JMJD1C: variants seen among roughly 807,000 people sequenced by gnomAD.
JMJD1C encodes the protein jumonji domain-containing protein 1C.
JMJD1C carries 31 observed loss-of-function variants against 245.3 expected under a neutral mutation model. That is an observed-to-expected ratio of 0.13 (90% CI 0.09 to 0.17). The LOEUF is 0.17. Ranked by LOEUF, JMJD1C falls within the 10% of genes least tolerant of loss-of-function variation. JMJD1C has a pLI of 1.00. For synonymous variants in JMJD1C, 1,057 were observed against 1,017.4 expected (o/e 1.04, Z -0.74); for missense variants, 2,691 against 3,000.2 (o/e 0.90, Z 2.41).
chr10:63,398,015 T>G (rs1179042726), intron 1 of JMJD1C, among the ~76,000 whole-genome samples: 1 of 152,232 alleles, frequency 6.6e-6, no homozygotes, highest in Non-Finnish European at 1.5e-5. Flanking sequence ...ACAGAGACAG[T>G]AACAGCAGAT....
chr10:63,419,328 A>G (rs1949981436), intron 1 of JMJD1C, among the ~76,000 whole-genome samples: 1 of 152,090 alleles, frequency 6.6e-6, no homozygotes, highest in Non-Finnish European at 1.5e-5. Flanking sequence ...CGGAGGTTGC[A>G]GTAAGCCAAG....
intron 2 of JMJD1C, among the ~76,000 whole-genome samples, chr10:63,297,342 C>A (rs1859570635): frequency 6.6e-6 from 1 of 152,166 alleles, no homozygotes; most frequent in African/African-American, 2.4e-5. Context: ...CCTATAAAAA[C>A]CCCGGGCTCA....
intron 2 of JMJD1C, among the ~76,000 whole-genome samples, chr10:63,293,708 G>A (rs549285540): frequency 6.6e-6 from 1 of 152,124 alleles, no homozygotes; most frequent in African/African-American, 2.4e-5. Flanking sequence ...AGAGGCATTC[G>A]TATTAATGAT....
intron 1 of JMJD1C, among the ~76,000 whole-genome samples, chr10:63,396,631 T>C (rs1482883174): frequency 6.6e-6 from 1 of 152,128 alleles, no homozygotes; most frequent in East Asian, 1.9e-4. Context: ...GTGGTAAATC[T>C]TGGGTCCCAG....
chr10:63,477,229 G>A (rs933868270), intron 1 of JMJD1C, among the ~76,000 whole-genome samples: 2 of 151,214 alleles, frequency 1.3e-5, no homozygotes, highest in South Asian at 2.1e-4. Flanking sequence ...TTTTGACACC[G>A]ACAAGTTGAT....
chr10:63,390,230 C>G (rs932068847), intron 1 of JMJD1C, among the ~76,000 whole-genome samples: 4 of 152,030 alleles, frequency 2.6e-5, no homozygotes, highest in African/African-American at 9.7e-5. Context: ...TACAAAAGAT[C>G]ATCAGAGACC....
intron 13 of JMJD1C, among the ~76,000 whole-genome samples, chr10:63,196,068 A>C (rs1228194312): frequency 1.3e-5 from 2 of 152,220 alleles, no homozygotes; most frequent in Admixed American, 6.5e-5. Context: ...GTTTGAGACC[A>C]GCCTGGCCAA....
chr10:63,346,457 A>C (rs895017330), intron 2 of JMJD1C, among the ~76,000 whole-genome samples: 2 of 152,244 alleles, frequency 1.3e-5, no homozygotes, highest in Non-Finnish European at 2.9e-5. Flanking sequence ...ATTCTCACTT[A>C]GCAATATGCT....
chr10:63,188,647 CATT>C (rs1184658149), intron 18 of JMJD1C, among the ~76,000 whole-genome samples: 4 of 152,126 alleles, frequency 2.6e-5, no homozygotes, highest in African/African-American at 7.2e-5. Flanking sequence ...GTATATCAAA[CATT>C]ATCAAAACTT....
At chr10:63,376,458 G>A (rs763476775) in intron 2 of JMJD1C, among the ~76,000 whole-genome samples, 14 of 151,942 alleles carry the variant, frequency 9.2e-5, no homozygotes, top group South Asian at 4.2e-4. Flanking sequence ...TGTGCAGCAC[G>A]GGCCACTGCT....
chr10:63,291,033 G>A (rs538677189), intron 2 of JMJD1C, among the ~76,000 whole-genome samples: 2 of 152,222 alleles, frequency 1.3e-5, no homozygotes, highest in Admixed American at 6.5e-5. Flanking sequence ...TGGGCTGGGC[G>A]CAGTGGCTCA....
chr10:63,379,530 T>A (rs181129709), intron 2 of JMJD1C, among the ~76,000 whole-genome samples: 124 of 152,304 alleles, frequency 8.1e-4, no homozygotes, highest in African/African-American at 2.8e-3. Flanking sequence ...ATAAGTAATT[T>A]AATCCATTAC....
chr10:63,214,173 C>G lies in JMJD1C; in HGVS notation c.1994G>C (p.Ser665Thr), dbSNP rs1452127153. ...CAATCTTCTTTCACCAGTAGCTTGG[C>G]TGTTCACATAAGTGGCCTTAGACTT... is the stretch of plus-strand genomic sequence containing the variant. Reference protein sequence around the residue: ...SVKSKATYVNSQATGERRLAN... With the variant: ...SVKSKATYVNTQATGERRLAN... The change falls in exon 8 of 26, where the codon AGC (serine) becomes ACC (threonine). Residue 665 changes from serine (S) to threonine (T), a missense_variant. Ser to Thr is a moderately conservative substitution (Grantham distance 58, BLOSUM62 1). Coordinates refer to ENST00000399262, the MANE Select transcript of JMJD1C (RefSeq NM_032776.3). 6.2e-7 allele frequency: 1 copy of G among 1,614,032 alleles called. No homozygotes were observed. Among genetic ancestry groups the G allele is most frequent in the African/African-American group, 1.3e-5 (1 of 74,918 alleles).
chr10:63,337,134 C>T lies in JMJD1C; in HGVS notation c.333+43184G>A, dbSNP rs570729245. Among the ~76,000 whole-genome samples the T allele has an allele frequency of 1.1e-3, 173 of 151,614 alleles. 1 individual carries two copies. The highest frequency in any genetic ancestry group is 2.2e-3 in the Non-Finnish European group (147 of 67,896). ...GGGATTACAGGTGTGAGCCACCATG[C>T]CTGGCCAACTCTAGCCCTCTTAACT... On this transcript the variant is annotated intron_variant, in intron 2 of 25. Transcript: ENST00000399262.
At chr10:63,266,723 T>C (rs978546100) in intron 2 of JMJD1C, among the ~76,000 whole-genome samples, 2 of 152,112 alleles carry the variant, frequency 1.3e-5, no homozygotes, top group African/African-American at 4.8e-5. Flanking sequence ...CCACAAAAGG[T>C]ATTATCTAAG....
chr10:63,458,137 T>C (rs1952534132), intron 1 of JMJD1C, among the ~76,000 whole-genome samples: 1 of 152,180 alleles, frequency 6.6e-6, no homozygotes, highest in African/African-American at 2.4e-5. Flanking sequence ...GTTGTAAAAC[T>C]AAAAGTACGT....
intron 3 of JMJD1C, among the ~76,000 whole-genome samples, chr10:63,232,153 G>A (rs1850102282): frequency 6.6e-6 from 1 of 151,916 alleles, no homozygotes; most frequent in South Asian, 2.1e-4. Context: ...TACCCTTAAG[G>A]GCTTATTTTC....
At chr10:63,432,973 T>G (rs1337311010) in intron 1 of JMJD1C, among the ~76,000 whole-genome samples, 2 of 152,242 alleles carry the variant, frequency 1.3e-5, no homozygotes, top group Non-Finnish European at 2.9e-5. Context: ...ATGCTTTCAT[T>G]AACTGTCCTG....
chr10:63,478,938 A>G (rs1953745530), intron 1 of JMJD1C, among the ~76,000 whole-genome samples: 1 of 152,102 alleles, frequency 6.6e-6, no homozygotes, highest in Non-Finnish European at 1.5e-5. Flanking sequence ...CTGCACTCCA[A>G]CCTCCAACAG....
Sources: allele counts gnomAD v4.1 joint callset (sites outside exome capture counted in the v4.1 genomes callset), GRCh38; gene constraint gnomAD v4.1.1; transcripts MANE v1.5; gene names NCBI Gene and HGNC (gene_info 2026-07-23, HGNC 2026-07-21).